HAUS7: variants seen among roughly 807,000 people sequenced by gnomAD.
The protein encoded by HAUS7 is HAUS augmin like complex subunit 7.
A neutral mutation model predicts 28.4 loss-of-function variants in HAUS7; 3 were observed. The observed-to-expected ratio is 0.11, with a 90% CI of 0.05 to 0.27. The LOEUF (loss-of-function observed/expected upper bound fraction) is 0.27, where lower values mean the gene tolerates loss of function less well. Among genes scored for constraint, HAUS7 ranks in the 10% least tolerant of loss-of-function variants. HAUS7 has a pLI of 1.00. For missense variants in HAUS7, 284 were observed against 297.3 expected (o/e 0.96, Z 0.33); for synonymous variants, 165 against 132.1 (o/e 1.25, Z -1.71).
At position 153,457,306 on chromosome X, in the gene HAUS7, C is replaced by T. The variant is rs2089327499; in HGVS notation, c.355-78G>A. 5 of 650,268 alleles carry T rather than the reference C, an allele frequency of 7.7e-6. No homozygotes were observed. In the Admixed American group the frequency reaches 1.2e-4, roughly 16 times the overall value. 53.6% of individuals were successfully genotyped at this position (650,268 alleles called of 1,213,427 possible). ...GCCAGCTGTCCCCAGTGCCCCTGCC[C>T]CCACATGCCACCCATGCCAGGAGCC... On this transcript the variant is annotated intron_variant, in intron 4 of 9. Transcript: ENST00000370211.
At chrX:153,448,103 T>C (rs926044413) in intron 9 of HAUS7, among the ~76,000 whole-genome samples, 194 bp from the exon 10 acceptor site, 17 of 109,941 alleles carry the variant, frequency 1.5e-4, no homozygotes, top group African/African-American at 5.1e-4. Flanking sequence ...CGTATGTTTA[T>C]TGCAGCACTA....
intron 4 of HAUS7, among the ~76,000 whole-genome samples, chrX:153,457,736 G>A (rs2089334178): frequency 8.8e-6 from 1 of 113,191 alleles, no homozygotes; most frequent in South Asian, 3.6e-4. Flanking sequence ...CAGCTCCTGC[G>A]GGGCTGAATT....
At chrX:153,486,304 C>T (rs2089637408) in intron 1 of HAUS7, among the ~76,000 whole-genome samples, 1 of 112,884 alleles carries the variant, frequency 8.9e-6, no homozygotes, top group South Asian at 3.6e-4. Flanking sequence ...CAGCCATCCA[C>T]CCATCTTGGT....
chrX:153,454,659 G>T, intron 8 of HAUS7, 151 bp from the exon 9 acceptor site: 1 of 484,171 alleles, frequency 2.1e-6, no homozygotes, highest in Non-Finnish European at 3.6e-6. Flanking sequence ...AAGGGTGAGG[G>T]ACAGAACTCC....
chrX:153,463,263 C>T (rs191368669), intron 3 of HAUS7, among the ~76,000 whole-genome samples: 1 of 111,884 alleles, frequency 8.9e-6, no homozygotes, highest in Non-Finnish European at 1.9e-5. Flanking sequence ...CCACCTAACC[C>T]TGGAGGGTTT....
At chrX:153,487,213 A>G (rs910516604) in intron 1 of HAUS7, 65 of 187,295 alleles carry the variant, frequency 3.5e-4, no homozygotes, top group African/African-American at 2.0e-3. Context: ...AGGGTCCTGA[A>G]GTCCTTGCTC....
chrX:153,465,146 G>A (rs903620940), intron 2 of HAUS7, 91 bp from the exon 3 acceptor site: 2 of 593,233 alleles, frequency 3.4e-6, no homozygotes, highest in Non-Finnish European at 5.7e-6. Flanking sequence ...GAATTCCTGT[G>A]CACGTGCTCA....
At position 153,459,942 on chromosome X, in the gene HAUS7, G is replaced by A. The variant is rs367593588; in HGVS notation, c.354+2668C>T. On this transcript the variant is annotated intron_variant, in intron 4 of 9. Coordinates refer to ENST00000370211, the MANE Select transcript of HAUS7 (RefSeq NM_001385482.1). The stretch of plus-strand genomic sequence containing the variant: ...GAGGTGGGAGGATCGCTTGAAGCCC[G>A]GGGGCTCATGCTGATATTCCCAATT... 2.4e-4 allele frequency among the ~76,000 whole-genome samples: 27 copies of A among 111,956 alleles called. No individual in the cohort carries two copies. In the East Asian group the frequency reaches 3.4e-3, roughly 14 times the overall value.
upstream of HAUS7, among the ~76,000 whole-genome samples, chrX:153,471,702 AG>A (rs1362248751): frequency 6.8e-4 from 76 of 112,297 alleles, 1 homozygote; most frequent in African/African-American, 1.9e-3. Flanking sequence ...GTCTATAGTC[AG>A]GGAGACCCAG....
rs1374169725 is a variant in HAUS7, at chrX:153,457,998, CCCTTTCA to C, written c.355-777_355-771del. 2.6e-5 allele frequency among the ~76,000 whole-genome samples: 3 copies of C among 113,499 alleles called. No homozygotes were observed. In the East Asian group the frequency reaches 8.3e-4, roughly 31 times the overall value. On this transcript the variant is annotated intron_variant, in intron 4 of 9. Coordinates refer to ENST00000370211, the MANE Select transcript of HAUS7 (RefSeq NM_001385482.1). ...TGAAATGCCACCGGGAGTGCCTTGG[CCCTTTCA>C]CTGTGGCCTGTGCCTTCAGCGCCAA... is the stretch of plus-strand genomic sequence containing the variant.
intron 1 of HAUS7, among the ~76,000 whole-genome samples, chrX:153,488,639 C>T (rs186897766): frequency 4.0e-4 from 45 of 112,563 alleles, no homozygotes; most frequent in African/African-American, 1.4e-3. Context: ...CAGCAGCCCA[C>T]GAGGCGCTGG....
chrX:153,471,123 G>A (rs782105250), upstream of HAUS7: 7 of 283,590 alleles, frequency 2.5e-5, no homozygotes, highest in South Asian at 1.8e-4. Flanking sequence ...GCGGGGCTCC[G>A]TCTTCTCTTC....
intron 1 of HAUS7, among the ~76,000 whole-genome samples, chrX:153,484,837 G>T (rs1240877124): frequency 4.4e-5 from 5 of 112,973 alleles, no homozygotes; most frequent in Non-Finnish European, 9.4e-5. Context: ...TGCCTCAGCC[G>T]CGGCCTCTCC....
intron 1 of HAUS7, among the ~76,000 whole-genome samples, chrX:153,491,052 G>A (rs2089668408): frequency 9.0e-6 from 1 of 111,618 alleles, no homozygotes; most frequent in African/African-American, 3.3e-5. Context: ...AGGGTGGGGA[G>A]GTTCGTGTCC....
At position 153,486,961 on chromosome X, in the gene HAUS7, C is replaced by T. The variant is rs1354814825; in HGVS notation, c.-589+8413G>A. On this transcript the variant is annotated intron_variant, in intron 1 of 5. Coordinates refer to the HAUS7 transcript ENST00000370210. ...CCCACTTCCCATTGACTGGTGAGGC[C>T]GCTTCACTTAGCAAATGGCCCAGGG... 3.7e-5 allele frequency: 16 copies of T among 431,828 alleles called. No individual in the cohort carries two copies. The South Asian group carries it at 4.0e-4, about 11-fold the overall frequency. 35.6% of individuals were successfully genotyped at this position (431,828 alleles called of 1,213,427 possible).
intron 5 of HAUS7, 142 bp downstream of exon 5, chrX:153,456,995 A>T: frequency 2.1e-6 from 1 of 483,799 alleles, no homozygotes; most frequent in Non-Finnish European, 3.6e-6. Flanking sequence ...CCGGCCCCTG[A>T]TTGGCCAGCC....
chrX:153,494,767 G>A (rs1283891170), intron 1 of HAUS7, among the ~76,000 whole-genome samples: 1 of 101,436 alleles, frequency 9.9e-6, no homozygotes, highest in Admixed American at 1.0e-4. Flanking sequence ...GGGGCGAGGG[G>A]GCGGGGGCTC....
In HAUS7 at chrX:153,456,661, C is replaced by G; in HGVS notation, c.447-10G>C. ...GAAGTGCTCCATCAGGCTGCAAAGG[C>G]AGCCCCCAGGGCCACACCGTCACAG... On this transcript the variant is annotated splice_polypyrimidine_tract_variant and intron_variant, in intron 5 of 9. Transcript: ENST00000370211. 1 of 1,166,516 alleles carries G rather than the reference C, an allele frequency of 8.6e-7. No homozygotes were observed. The highest frequency in any genetic ancestry group is 1.8e-5 in the African/African-American group (1 of 56,279).
chrX:153,460,007 T>C (rs1556983057), intron 4 of HAUS7, among the ~76,000 whole-genome samples: 1 of 112,441 alleles, frequency 8.9e-6, no homozygotes, highest in African/African-American at 3.2e-5. Context: ...CCTAATGATC[T>C]TAAATCTGTA....
Sources: allele counts gnomAD v4.1 joint callset (sites outside exome capture counted in the v4.1 genomes callset), GRCh38; gene constraint gnomAD v4.1.1; transcripts MANE v1.5; gene names NCBI Gene and HGNC (gene_info 2026-07-23, HGNC 2026-07-21).